TPRG1: variants seen among roughly 807,000 people sequenced by gnomAD.
TPRG1 encodes tumor protein p63 regulated 1, also known as tumor protein p63-regulated gene 1 protein.
Under a neutral mutation model 29.3 loss-of-function variants are expected in TPRG1, and 29 were observed. The observed-to-expected ratio is 0.99, with a 90% CI of 0.74 to 1.35. The LOEUF is 1.35. Ranked by LOEUF, TPRG1 falls within the 40% of genes most tolerant of loss-of-function variation. The pLI, the probability that TPRG1 is intolerant of heterozygous loss-of-function variation, is 0.00. For synonymous variants in TPRG1, 130 were observed against 116.8 expected, an observed-to-expected ratio of 1.11 and a Z score of -0.73; for missense variants, 327 against 335.0, an observed-to-expected ratio of 0.98 and a Z score of 0.19.
At chr3:189,157,356 G>T (rs559919960) in intron 5 of TPRG1, among the ~76,000 whole-genome samples, 1 of 152,272 alleles carries the variant, frequency 6.6e-6, no homozygotes, top group East Asian at 1.9e-4. Flanking sequence ...CAGTTAAGAG[G>T]CCTTACTTCT....
Position 189,238,920 on chromosome 3 carries a change from A to T in TPRG1, c.479+11A>T, listed in dbSNP as rs1272169574. ...GATGTCCCTGGACAAGTGAGTATAT[A>T]TCTTATACTTGAAGAAGTGGTGCAG... On this transcript the variant is annotated intron_variant, in intron 4 of 5. Transcript: ENST00000345063. 1 of 1,582,048 alleles carries T rather than the reference A, an allele frequency of 6.3e-7. No individual in the cohort carries two copies. The highest frequency in any genetic ancestry group is 1.3e-5 in the African/African-American group (1 of 74,092).
chr3:189,228,653 A>G (rs1331289607), intron 3 of TPRG1, among the ~76,000 whole-genome samples: 1 of 152,210 alleles, frequency 6.6e-6, no homozygotes, highest in East Asian at 1.9e-4. Flanking sequence ...AGATAACATC[A>G]TGCTGTTGGG....
At chr3:189,084,836 C>T (rs1483905224) in intron 4 of TPRG1, among the ~76,000 whole-genome samples, 2 of 152,176 alleles carry the variant, frequency 1.3e-5, no homozygotes, top group South Asian at 2.1e-4. Flanking sequence ...CAAATAGTTA[C>T]GCAACACTTG....
chr3:189,260,988 G>A (rs533013020), intron 4 of TPRG1, among the ~76,000 whole-genome samples: 60 of 152,272 alleles, frequency 3.9e-4, no homozygotes, highest in African/African-American at 1.2e-3. Context: ...CTCGTGGCCC[G>A]GGCCAATTCT....
chr3:189,012,810 T>A (rs1174220386), intron 3 of TPRG1, among the ~76,000 whole-genome samples: 1 of 152,124 alleles, frequency 6.6e-6, no homozygotes, highest in Non-Finnish European at 1.5e-5. Flanking sequence ...CTCTGATAGT[T>A]GTTTTTATTT....
intron 3 of TPRG1, among the ~76,000 whole-genome samples, chr3:189,232,601 C>T (rs1208449284): frequency 6.6e-6 from 1 of 152,146 alleles, no homozygotes; most frequent in Non-Finnish European, 1.5e-5. Flanking sequence ...ATAATATTCT[C>T]TCTGTTCCTG....
At chr3:189,255,310 T>C (rs368714684) in intron 4 of TPRG1, among the ~76,000 whole-genome samples, 1 of 152,238 alleles carries the variant, frequency 6.6e-6, no homozygotes, top group East Asian at 1.9e-4. Context: ...GTTGTGCTTA[T>C]GTAATGGATT....
At chr3:189,032,401 A>T (rs1213286322) in intron 4 of TPRG1, among the ~76,000 whole-genome samples, 1 of 152,194 alleles carries the variant, frequency 6.6e-6, no homozygotes, top group African/African-American at 2.4e-5. Flanking sequence ...ATGAAAATAA[A>T]TTCAAGTTGT....
chr3:189,207,577 A>G lies in TPRG1; in HGVS notation c.193A>G (p.Lys65Glu), dbSNP rs757845622. The G allele has an allele frequency of 5.0e-6, 8 of 1,613,568 alleles. No individual in the cohort carries two copies. In the East Asian group the frequency reaches 1.8e-4, roughly 36 times the overall value. Reference sequence around the variant, plus strand: ...TTATCATCAGCCTTATATCTCACGGAAGTACTTTGCTACACGGGTAAATTT... The same window carrying G: ...TTATCATCAGCCTTATATCTCACGGGAGTACTTTGCTACACGGGTAAATTT... ...NPYHQPYISR[K>E]YFATRPGAIE... The change falls in exon 2 of 6, where the codon AAG (lysine) becomes GAG (glutamate). Residue 65 changes from lysine to glutamate, a missense_variant. Lys to Glu is a moderately conservative substitution (Grantham distance 56). Transcript: ENST00000345063.
At chr3:189,078,075 C>T (rs1399171107) in intron 4 of TPRG1, among the ~76,000 whole-genome samples, 19 of 89,184 alleles carry the variant, frequency 2.1e-4, no homozygotes, top group African/African-American at 6.5e-4. Context: ...TCTCCTTTCT[C>T]TCTTTCTCTC....
intron 1 of TPRG1, among the ~76,000 whole-genome samples, chr3:189,183,093 G>A (rs1000281341): frequency 2.6e-5 from 4 of 152,270 alleles, no homozygotes; most frequent in African/African-American, 9.6e-5. Flanking sequence ...CAGTAGTCAC[G>A]TAGGTTCTTT....
At chr3:189,316,482 A>G (rs1285290163) in intron 5 of TPRG1, among the ~76,000 whole-genome samples, 1 of 152,168 alleles carries the variant, frequency 6.6e-6, no homozygotes, top group Non-Finnish European at 1.5e-5. Flanking sequence ...GTGGGCCTAC[A>G]GGCATGAAAC....
At chr3:189,225,210 C>T (rs986992447) in intron 3 of TPRG1, among the ~76,000 whole-genome samples, 3 of 152,202 alleles carry the variant, frequency 2.0e-5, no homozygotes, top group Non-Finnish European at 4.4e-5. Context: ...GGATTACAGG[C>T]GTGAGCCATC....
chr3:189,283,822 T>A (rs1717564300), intron 4 of TPRG1, among the ~76,000 whole-genome samples: 1 of 152,232 alleles, frequency 6.6e-6, no homozygotes, highest in Admixed American at 6.5e-5. Context: ...GTTAGTTACT[T>A]GTCTAGATCA....
intron 5 of TPRG1, among the ~76,000 whole-genome samples, chr3:189,316,387 C>T (rs561415880): frequency 1.7e-4 from 26 of 152,280 alleles, no homozygotes; most frequent in African/African-American, 6.0e-4. Context: ...CCCTCTATGA[C>T]AGGAGACTTG....
intron 4 of TPRG1, among the ~76,000 whole-genome samples, chr3:189,250,506 C>CCA (rs1553931532): frequency 3.1e-5 from 2 of 63,604 alleles, no homozygotes; most frequent in African/African-American, 7.9e-5. Context: ...TGATTTCCGC[C>CCA]CCCCCCCCCC....
intron 1 of TPRG1, among the ~76,000 whole-genome samples, chr3:189,204,908 T>G (rs1734072475): frequency 6.7e-6 from 1 of 149,472 alleles, no homozygotes. Flanking sequence ...CTGTCTGTCT[T>G]TCTTTCTCTG....
At chr3:189,255,116 T>G (rs2109015866) in intron 4 of TPRG1, among the ~76,000 whole-genome samples, 1 of 152,342 alleles carries the variant, frequency 6.6e-6, no homozygotes, top group Non-Finnish European at 1.5e-5. Context: ...TCAAAGGGAA[T>G]GCTTCCAGCT....
chr3:189,315,789 A>C (rs531473952), intron 5 of TPRG1: 55 of 189,060 alleles, frequency 2.9e-4, no homozygotes, highest in Non-Finnish European at 4.3e-4. Flanking sequence ...TGGATTACCA[A>C]GAAGAATAAA....
Sources: gnomAD v4.1 joint callset for allele counts (sites outside exome capture counted in the v4.1 genomes callset) on GRCh38, gnomAD v4.1.1 for gene constraint, MANE v1.5 for transcripts, NCBI Gene and HGNC (gene_info 2026-07-23, HGNC 2026-07-21) for gene names.